The following DACH2 variants were observed in gnomAD, a reference collection of about 807,000 sequenced individuals.
DACH2 encodes the protein dachshund family transcription factor 2, also known as dachshund homolog 2.
A neutral mutation model predicts 35.8 loss-of-function variants in DACH2; 17 were observed. That is an observed-to-expected ratio of 0.48 (90% confidence interval 0.33 to 0.71). The LOEUF is 0.71. Among genes scored for constraint, DACH2 ranks in the 30% least tolerant of loss-of-function variants. The pLI is 0.02. For missense variants in DACH2, 469 were observed against 472.7 expected (o/e 0.99, Z 0.07); for synonymous variants, 195 against 177.3 (o/e 1.10, Z -0.79).
intron 1 of DACH2, among the ~76,000 whole-genome samples, chrX:86,205,316 C>T (rs1332730646): frequency 9.1e-6 from 1 of 109,924 alleles, no homozygotes; most frequent in Non-Finnish European, 1.9e-5. Context: ...TAAAAGATTT[C>T]TCCCATCCCC....
At chrX:86,350,185 C>A (rs1462462189) in intron 1 of DACH2, among the ~76,000 whole-genome samples, 218 of 17,364 alleles carry the variant, frequency 0.013, no homozygotes, top group Admixed American at 0.024. Context: ...AAACAAGTGT[C>A]TGTTCATGTC....
intron 7 of DACH2, among the ~76,000 whole-genome samples, chrX:86,747,073 A>G (rs747897952): frequency 9.8e-5 from 11 of 111,923 alleles, no homozygotes; most frequent in African/African-American, 3.2e-4. Flanking sequence ...TTTTGCCAAT[A>G]TCATACTATC....
intron 2 of DACH2, among the ~76,000 whole-genome samples, chrX:86,391,282 TAAAAAAAAAAAAAAAAAAAAAAA>T (rs55941702): frequency 1.4e-4 from 3 of 21,428 alleles, no homozygotes; most frequent in African/African-American, 3.6e-4. Context: ...GGCTCTGTCT[TAAAAAAAAAAAAAAAAAAAAAAA>T]AAAAAAAAAA....
chrX:86,659,159 T>C (rs889933359), intron 4 of DACH2, among the ~76,000 whole-genome samples: 6 of 111,076 alleles, frequency 5.4e-5, no homozygotes, highest in Non-Finnish European at 1.1e-4. Flanking sequence ...TATTAGCTCC[T>C]GGTACCAAGA....
intron 1 of DACH2, among the ~76,000 whole-genome samples, chrX:86,360,003 T>A (rs976918000): frequency 3.6e-5 from 4 of 109,727 alleles, no homozygotes; most frequent in Middle Eastern, 4.6e-3. Context: ...CACCTCAGCC[T>A]CCTGAGTAGC....
At chrX:86,732,848 A>G (rs2041547029) in intron 6 of DACH2, among the ~76,000 whole-genome samples, 1 of 111,604 alleles carries the variant, frequency 9.0e-6, no homozygotes, top group Non-Finnish European at 1.9e-5. Context: ...GGCTTCCTCT[A>G]TGTAGGTTCT....
intron 7 of DACH2, among the ~76,000 whole-genome samples, chrX:86,750,051 C>T: frequency 9.0e-6 from 1 of 110,589 alleles, no homozygotes; most frequent in Middle Eastern, 4.8e-3. Context: ...TTGAGATAGT[C>T]TTATTTATCT....
rs150368574 is a variant in DACH2, at chrX:86,802,731, C to T, written c.1241-10125C>T. 3.6e-3 allele frequency among the ~76,000 whole-genome samples: 398 copies of T among 110,462 alleles called. 2 individuals carry two copies. The highest frequency in any genetic ancestry group is 0.013 in the African/African-American group (387 of 30,376). On this transcript the variant is annotated intron_variant, in intron 7 of 11. Coordinates refer to ENST00000373125, the MANE Select transcript of DACH2 (RefSeq NM_053281.3). ...GTTGAAAGCTGCCACTGAGGGACCA[C>T]GATGGCTGGCATACTCAGATTTCAG...
intron 1 of DACH2, among the ~76,000 whole-genome samples, chrX:86,362,455 A>G (rs1359869627): frequency 9.0e-6 from 1 of 111,715 alleles, no homozygotes; most frequent in Non-Finnish European, 1.9e-5. Flanking sequence ...CATTGAAAGA[A>G]ATCAAAACAA....
At chrX:86,387,757 A>C (rs2036142002) in intron 2 of DACH2, among the ~76,000 whole-genome samples, 1 of 112,210 alleles carries the variant, frequency 8.9e-6, no homozygotes, top group Non-Finnish European at 1.9e-5. Flanking sequence ...TTCAATATTC[A>C]ATAAATATTT....
intron 7 of DACH2, chrX:86,742,723 T>A: frequency 1.4e-5 from 4 of 293,022 alleles, no homozygotes; most frequent in Non-Finnish European, 2.0e-5. Context: ...AAAAGATAAT[T>A]AAGGTAAAAT....
Position 86,311,582 on chromosome X carries a change from G to A in DACH2, c.489-65242G>A, listed in dbSNP as rs191114064. On this transcript the variant is annotated intron_variant, in intron 1 of 11. Coordinates refer to ENST00000373125, the MANE Select transcript of DACH2 (RefSeq NM_053281.3). ...GAATCAAGGGGTGGAAGTGGAAGTG[G>A]CACCACTCACCATCACCACTAGTGA... 5.7e-3 allele frequency among the ~76,000 whole-genome samples: 628 copies of A among 110,841 alleles called. 27 individuals carry two copies. In the East Asian group the frequency reaches 0.15, roughly 26 times the overall value.
intron 5 of DACH2, among the ~76,000 whole-genome samples, chrX:86,709,808 C>T (rs1452135915): frequency 8.9e-6 from 1 of 112,163 alleles, no homozygotes; most frequent in African/African-American, 3.2e-5. Flanking sequence ...TATAATATGT[C>T]ACTAGGGAAT....
intron 2 of DACH2, among the ~76,000 whole-genome samples, chrX:86,428,477 T>G (rs891363851): frequency 4.5e-5 from 5 of 112,203 alleles, no homozygotes; most frequent in African/African-American, 1.6e-4. Context: ...GATTGTCATC[T>G]GCTTCAGACG....
intron 1 of DACH2, among the ~76,000 whole-genome samples, chrX:86,272,228 A>AT (rs1569323851): frequency 1.4e-5 from 1 of 73,360 alleles, no homozygotes; most frequent in East Asian, 4.1e-4. Context: ...GTGTGTGTGT[A>AT]TATCACATTT....
chrX:86,186,638 C>T lies in DACH2; in HGVS notation c.488+37530C>T, dbSNP rs751352007. 6.3e-5 allele frequency among the ~76,000 whole-genome samples: 7 copies of T among 111,176 alleles called. No individual in the cohort carries two copies. The South Asian group carries it at 1.1e-3, about 18-fold the overall frequency. On this transcript the variant is annotated intron_variant, in intron 1 of 11. Transcript: ENST00000373125. ...ATAAAGTGGAAAAAGTCTTACATCT[C>T]GGCTGCACAGGATTTAATTATGCAA... is the stretch of plus-strand genomic sequence containing the variant.
intron 2 of DACH2, among the ~76,000 whole-genome samples, chrX:86,462,554 T>C (rs1048516397): frequency 2.7e-5 from 3 of 110,805 alleles, no homozygotes; most frequent in African/African-American, 9.8e-5. Context: ...ATTGCAGGAG[T>C]CCACAATTAC....
intron 1 of DACH2, among the ~76,000 whole-genome samples, chrX:86,249,374 T>C: frequency 9.0e-6 from 1 of 110,787 alleles, no homozygotes; most frequent in Non-Finnish European, 1.9e-5. Context: ...AAACACCCTA[T>C]TGAAAAATGG....
At chrX:86,785,234 T>C (rs772279830) in intron 7 of DACH2, among the ~76,000 whole-genome samples, 1 of 111,707 alleles carries the variant, frequency 9.0e-6, no homozygotes, top group Admixed American at 9.5e-5. Flanking sequence ...CCACTGAAGA[T>C]GTTGCGTAAG....
Sources: gnomAD v4.1 joint callset for allele counts (sites outside exome capture counted in the v4.1 genomes callset) on GRCh38, gnomAD v4.1.1 for gene constraint, MANE v1.5 for transcripts, NCBI Gene and HGNC (gene_info 2026-07-23, HGNC 2026-07-21) for gene names.